Variants in OTUD7A observed in about 807,000 individuals in gnomAD.
The protein encoded by OTUD7A is OTU domain-containing protein 7A.
OTUD7A carries 12 observed loss-of-function variants against 65.7 expected under a neutral mutation model. The ratio of observed to expected loss-of-function variants is 0.18; its 90% CI spans 0.12 to 0.30. The LOEUF (loss-of-function observed/expected upper bound fraction) is 0.30. OTUD7A is among the 10% of genes least tolerant of loss of function. The pLI is 1.00. For missense variants in OTUD7A, 1,148 were observed against 1,304.8 expected (o/e 0.88, Z 1.85); for synonymous variants, 641 against 586.3 (o/e 1.09, Z -1.35).
At chr15:31,845,965 C>T (rs1897285311) in intron 1 of OTUD7A, among the ~76,000 whole-genome samples, 1 of 152,302 alleles carries the variant, frequency 6.6e-6, no homozygotes, top group South Asian at 2.1e-4. Flanking sequence ...GGATGGCGGC[C>T]CCACAGTGTG....
At chr15:31,678,609 C>A (rs1386714864) in intron 1 of OTUD7A, among the ~76,000 whole-genome samples, 3 of 152,224 alleles carry the variant, frequency 2.0e-5, no homozygotes, top group African/African-American at 7.2e-5. Context: ...GGTGCAAGCC[C>A]CAAGCCTTGG....
At chr15:31,727,503 T>C (rs1432959975) in intron 1 of OTUD7A, among the ~76,000 whole-genome samples, 1 of 152,244 alleles carries the variant, frequency 6.6e-6, no homozygotes, top group African/African-American at 2.4e-5. Flanking sequence ...AAAATCCATG[T>C]TGAAATGTTG....
chr15:31,776,604 C>T (rs571983289), intron 1 of OTUD7A, among the ~76,000 whole-genome samples: 60 of 152,312 alleles, frequency 3.9e-4, no homozygotes, highest in African/African-American at 1.4e-3. Flanking sequence ...ACCTGCCTTC[C>T]TCTACTAAAG....
chr15:31,751,707 T>C (rs1894640967), intron 1 of OTUD7A, among the ~76,000 whole-genome samples: 1 of 152,214 alleles, frequency 6.6e-6, no homozygotes, highest in African/African-American at 2.4e-5. Flanking sequence ...ATGTGTTTCA[T>C]ATACACCATG....
intron 1 of OTUD7A, among the ~76,000 whole-genome samples, chr15:31,821,453 ATTTC>A (rs1391743460): frequency 6.6e-6 from 1 of 150,986 alleles, no homozygotes; most frequent in Non-Finnish European, 1.5e-5. Context: ...CCAGTTTTTC[ATTTC>A]TTTATGTTGC....
intron 10 of OTUD7A, among the ~76,000 whole-genome samples, chr15:31,499,001 G>A (rs1446967601): frequency 6.6e-6 from 1 of 152,162 alleles, no homozygotes; most frequent in Non-Finnish European, 1.5e-5. Flanking sequence ...CACGGCAGTA[G>A]CACCTATAAG....
At chr15:31,583,221 G>T (rs1889425668) in intron 3 of OTUD7A, among the ~76,000 whole-genome samples, 1 of 152,306 alleles carries the variant, frequency 6.6e-6, no homozygotes, top group South Asian at 2.1e-4. Context: ...TCTCTTTCTG[G>T]TGCAGTCTAG....
chr15:31,627,264 C>T (rs985738270), intron 3 of OTUD7A, among the ~76,000 whole-genome samples: 3 of 131,016 alleles, frequency 2.3e-5, no homozygotes, highest in Non-Finnish European at 4.8e-5. Flanking sequence ...CAACAGTCCC[C>T]GGAGTGTGAT....
At chr15:31,699,445 T>C (rs1338417318) in intron 1 of OTUD7A, among the ~76,000 whole-genome samples, 2 of 152,162 alleles carry the variant, frequency 1.3e-5, no homozygotes, top group African/African-American at 4.8e-5. Flanking sequence ...TTTGTCCTCA[T>C]TGTTTATGGA....
intron 1 of OTUD7A, among the ~76,000 whole-genome samples, chr15:31,808,406 G>A (rs551986977): frequency 5.3e-5 from 8 of 152,284 alleles, no homozygotes; most frequent in African/African-American, 1.9e-4. Context: ...TTCAGAGCAT[G>A]AGCCGCGACA....
chr15:31,812,819 G>C (rs1896454721), intron 1 of OTUD7A, among the ~76,000 whole-genome samples: 1 of 152,134 alleles, frequency 6.6e-6, no homozygotes, highest in Non-Finnish European at 1.5e-5. Flanking sequence ...GCTAGTCCAA[G>C]CCACACACCC....
chr15:31,572,864 TA>T (rs1421613255), intron 3 of OTUD7A, among the ~76,000 whole-genome samples: 1 of 151,568 alleles, frequency 6.6e-6, no homozygotes, highest in Non-Finnish European at 1.5e-5. Context: ...AACACAGGGT[TA>T]AAGAAAAATG....
rs542623263 is a variant in OTUD7A, at chr15:31,532,650, A to G, written c.551-1842T>C. Among the ~76,000 whole-genome samples the G allele has an allele frequency of 3.3e-5, 5 of 152,282 alleles. No individual in the cohort carries two copies. In the East Asian group the frequency reaches 9.6e-4, roughly 29 times the overall value. On this transcript the variant is annotated intron_variant, in intron 5 of 12. Transcript: ENST00000307050. Reference sequence around the variant, plus strand: ...AGCTAAAAAAGTATTCGAAGAGGCCAGGCGCGGTGGCTCACGCCTGTAATC... The same window carrying G: ...AGCTAAAAAAGTATTCGAAGAGGCCGGGCGCGGTGGCTCACGCCTGTAATC...
chr15:31,619,765 C>G (rs1366070351), intron 3 of OTUD7A, among the ~76,000 whole-genome samples: 4 of 151,860 alleles, frequency 2.6e-5, no homozygotes, highest in Non-Finnish European at 5.9e-5. Context: ...TTATTTCTTT[C>G]TCCTGCCTGA....
At chr15:31,547,265 G>A (rs1034730103) in intron 5 of OTUD7A, among the ~76,000 whole-genome samples, 18 of 152,086 alleles carry the variant, frequency 1.2e-4, no homozygotes, top group African/African-American at 3.9e-4. Context: ...ATATTTAAGG[G>A]GTACCTTAGA....
intron 1 of OTUD7A, among the ~76,000 whole-genome samples, chr15:31,753,693 A>G (rs1894707957): frequency 6.7e-5 from 1 of 14,958 alleles, no homozygotes; most frequent in African/African-American, 2.3e-4. Context: ...TGAGATATAT[A>G]TATATATATT....
At chr15:31,667,238 A>ACTATTATCCAC (rs148908525) in intron 1 of OTUD7A, among the ~76,000 whole-genome samples, 1 of 151,828 alleles carries the variant, frequency 6.6e-6, no homozygotes, top group African/African-American at 2.4e-5. Flanking sequence ...GAAGTCCCCC[A>ACTATTATCCAC]TATTATTGTG....
At chr15:31,621,937 G>A (rs1461287406) in intron 3 of OTUD7A, among the ~76,000 whole-genome samples, 3 of 152,140 alleles carry the variant, frequency 2.0e-5, no homozygotes, top group African/African-American at 7.2e-5. Flanking sequence ...GCTTCCTTCA[G>A]GAGCTCTTGT....
chr15:31,778,245 C>T (rs1357942625), intron 1 of OTUD7A, among the ~76,000 whole-genome samples: 1 of 152,158 alleles, frequency 6.6e-6, no homozygotes, highest in Non-Finnish European at 1.5e-5. Flanking sequence ...TTCCGGGGGT[C>T]AGCAGGGATG....
Sources: gnomAD v4.1 joint callset for allele counts (sites outside exome capture counted in the v4.1 genomes callset) on GRCh38, gnomAD v4.1.1 for gene constraint, MANE v1.5 for transcripts, NCBI Gene and HGNC (gene_info 2026-07-23, HGNC 2026-07-21) for gene names.